The following PRR5L variants were observed in gnomAD, a reference collection of about 807,000 sequenced individuals.
PRR5L encodes the protein proline rich 5 like.
PRR5L carries 21 observed loss-of-function variants against 36.4 expected under a neutral mutation model. The observed-to-expected ratio is 0.58, with a 90% CI of 0.41 to 0.83. The LOEUF (loss-of-function observed/expected upper bound fraction) is 0.83, where lower values mean the gene tolerates loss of function less well. Among genes scored for constraint, PRR5L ranks in the 40% least tolerant of loss-of-function variants. The probability of loss-of-function intolerance (pLI) is 0.00; values close to 1 mark genes in which losing one functional copy is unlikely to be tolerated. For missense variants in PRR5L, 381 were observed against 473.3 expected, an observed-to-expected ratio of 0.80 and a Z score of 1.81; for synonymous variants, 188 against 197.0, an observed-to-expected ratio of 0.95 and a Z score of 0.38.
intron 1 of PRR5L, among the ~76,000 whole-genome samples, chr11:36,298,123 T>G (rs1376984300): frequency 1.3e-5 from 2 of 152,176 alleles, no homozygotes; most frequent in Admixed American, 1.3e-4. Context: ...CCTTCCTTAG[T>G]TCCCTGGCAT....
intron 1 of PRR5L, chr11:36,323,425 G>C (rs565268681): frequency 2.0e-5 from 3 of 152,322 alleles, no homozygotes; most frequent in African/African-American, 7.2e-5. Flanking sequence ...CTCTGCTTTA[G>C]TCCTCTGTGT....
At chr11:36,395,266 A>G (rs1029286324) in intron 1 of PRR5L, among the ~76,000 whole-genome samples, 2 of 152,276 alleles carry the variant, frequency 1.3e-5, no homozygotes, top group East Asian at 3.8e-4. Flanking sequence ...ACCATTAAAC[A>G]TAATAAAGTA....
intron 8 of PRR5L, among the ~76,000 whole-genome samples, chr11:36,459,871 C>T (rs975716393): frequency 2.6e-5 from 4 of 152,142 alleles, no homozygotes; most frequent in Admixed American, 1.3e-4. Flanking sequence ...CACATTTACT[C>T]GGAGGGCCCC....
At chr11:36,456,835 G>C (rs1328058603) in intron 8 of PRR5L, among the ~76,000 whole-genome samples, 2 of 152,220 alleles carry the variant, frequency 1.3e-5, no homozygotes, top group Non-Finnish European at 2.9e-5. Flanking sequence ...AAGTGTGCTG[G>C]GCTCAAGCCC....
At chr11:36,446,824 A>G (rs528855669) in intron 7 of PRR5L, among the ~76,000 whole-genome samples, 113 of 152,326 alleles carry the variant, frequency 7.4e-4, no homozygotes, top group African/African-American at 2.7e-3. Flanking sequence ...CCTAGGGCAG[A>G]TGGACTTCAG....
chr11:36,421,713 T>C (rs1169693522), intron 4 of PRR5L, among the ~76,000 whole-genome samples: 1 of 152,178 alleles, frequency 6.6e-6, no homozygotes, highest in Non-Finnish European at 1.5e-5. Flanking sequence ...GAAATGATTT[T>C]AGGCGATGCG....
chr11:36,428,898 C>T (rs1054435974), intron 4 of PRR5L, among the ~76,000 whole-genome samples: 1 of 152,134 alleles, frequency 6.6e-6, no homozygotes, highest in African/African-American at 2.4e-5. Context: ...ATAGATGATT[C>T]TTAAGACCCC....
intron 1 of PRR5L, among the ~76,000 whole-genome samples, chr11:36,328,302 G>A (rs1045237906): frequency 4.6e-5 from 7 of 152,266 alleles, no homozygotes; most frequent in African/African-American, 1.4e-4. Flanking sequence ...TTGTGTCCCT[G>A]CCCAAATCTT....
At chr11:36,340,012 G>A (rs933146470) in intron 1 of PRR5L, among the ~76,000 whole-genome samples, 5 of 152,054 alleles carry the variant, frequency 3.3e-5, no homozygotes, top group Admixed American at 6.5e-5. Flanking sequence ...CCCTCCTTGC[G>A]TCCTTACAGC....
At chr11:36,428,510 T>C (rs1182285096) in intron 4 of PRR5L, among the ~76,000 whole-genome samples, 5 of 152,158 alleles carry the variant, frequency 3.3e-5, no homozygotes, top group Admixed American at 2.6e-4. Flanking sequence ...GGAGCATGAA[T>C]GGATGGGCAC....
intron 1 of PRR5L, among the ~76,000 whole-genome samples, chr11:36,384,339 A>G (rs1272360030): frequency 6.6e-6 from 1 of 152,194 alleles, no homozygotes; most frequent in Non-Finnish European, 1.5e-5. Flanking sequence ...TCCATCTTCA[A>G]TTACAGCCCT....
intron 1 of PRR5L, among the ~76,000 whole-genome samples, chr11:36,340,873 G>T (rs978601529): frequency 3.9e-5 from 6 of 152,292 alleles, no homozygotes; most frequent in Middle Eastern, 6.8e-3. Context: ...GCAATCAAAG[G>T]ATCCCAGCTG....
chr11:36,313,441 T>C (rs183261164), intron 1 of PRR5L, among the ~76,000 whole-genome samples: 20 of 152,348 alleles, frequency 1.3e-4, no homozygotes, highest in Admixed American at 2.6e-4. Flanking sequence ...TTCAAAATGT[T>C]TGATATATCA....
chr11:36,355,443 T>C (rs1857015976), intron 1 of PRR5L, among the ~76,000 whole-genome samples: 2 of 152,162 alleles, frequency 1.3e-5, no homozygotes, highest in African/African-American at 4.8e-5. Flanking sequence ...TTTATAGATT[T>C]AGAAGCGGAG....
chr11:36,338,753 G>A (rs1369790359), intron 1 of PRR5L, among the ~76,000 whole-genome samples: 4 of 152,214 alleles, frequency 2.6e-5, no homozygotes, highest in South Asian at 4.1e-4. Flanking sequence ...TTGAGACAAA[G>A]TCTCACTCTG....
Position 36,462,739 on chromosome 11 carries a change from C to T in PRR5L, c.*3C>T, listed in dbSNP as rs371107054. 1.5e-5 allele frequency: 23 copies of T among 1,536,608 alleles called. No homozygotes were observed. The African/African-American group carries it at 2.1e-4, about 14-fold the overall frequency. ...TGAACTGTGCTTCCCTCAGCTGAGTCGCCACCCCTGGGCCTTTCCATCTCC... is the reference window on the plus strand; with the variant it reads ...TGAACTGTGCTTCCCTCAGCTGAGTTGCCACCCCTGGGCCTTTCCATCTCC... On this transcript the variant is annotated 3_prime_UTR_variant, in exon 9 of 9. Transcript: ENST00000530639.
chr11:36,312,854 G>C (rs1856518250), intron 1 of PRR5L, among the ~76,000 whole-genome samples: 1 of 152,250 alleles, frequency 6.6e-6, no homozygotes, highest in South Asian at 2.1e-4. Flanking sequence ...CCCTCTACTT[G>C]AGGTAGAACC....
chr11:36,454,149 T>G (rs1319391355), intron 8 of PRR5L: 1 of 152,328 alleles, frequency 6.6e-6, no homozygotes, highest in Non-Finnish European at 1.5e-5. Flanking sequence ...CTGTGGATAC[T>G]TTATCAGCTG....
chr11:36,376,164 T>G, intron 1 of PRR5L: 1 of 1,304,844 alleles, frequency 7.7e-7, no homozygotes, highest in Non-Finnish European at 1.0e-6. Flanking sequence ...TGGATGTAAG[T>G]GCAGGGCCCC....
Sources: allele counts gnomAD v4.1 joint callset (sites outside exome capture counted in the v4.1 genomes callset), GRCh38; gene constraint gnomAD v4.1.1; transcripts MANE v1.5; gene names NCBI Gene and HGNC (gene_info 2026-07-23, HGNC 2026-07-21).